Variants in LRRC49 observed in about 807,000 individuals in gnomAD.
LRRC49 encodes leucine-rich repeat-containing protein 49.
In LRRC49, 50 loss-of-function variants were observed where a neutral mutation model predicts 83.3. That is an observed-to-expected ratio of 0.60 (90% CI 0.48 to 0.76). LRRC49 has a LOEUF of 0.76. Ranked by LOEUF, LRRC49 falls within the 30% of genes least tolerant of loss-of-function variation. The pLI is 0.00. For missense variants in LRRC49, 704 were observed against 809.1 expected (o/e 0.87, Z 1.58); for synonymous variants, 286 against 283.3 (o/e 1.01, Z -0.10).
chr15:70,883,159 T>C (rs2033310754), intron 2 of LRRC49, among the ~76,000 whole-genome samples: 1 of 151,158 alleles, frequency 6.6e-6, no homozygotes, highest in Non-Finnish European at 1.5e-5. Flanking sequence ...TACAACTAAT[T>C]TTTTTTTTTC....
intron 1 of LRRC49, chr15:70,893,374 T>G (rs1465307496): frequency 3.4e-6 from 2 of 587,856 alleles, no homozygotes; most frequent in African/African-American, 1.9e-5. Context: ...GCTGCCGACA[T>G]TTTGGAAAAT....
chr15:70,925,071 T>G (rs1480386816), intron 7 of LRRC49, among the ~76,000 whole-genome samples: 2 of 152,064 alleles, frequency 1.3e-5, no homozygotes, highest in African/African-American at 2.4e-5. Flanking sequence ...TTTTCCATAT[T>G]CCAACTCTGA....
intron 7 of LRRC49, among the ~76,000 whole-genome samples, chr15:70,923,680 G>A (rs1237833953): frequency 6.6e-6 from 1 of 151,520 alleles, no homozygotes; most frequent in Non-Finnish European, 1.5e-5. Flanking sequence ...TATAATTTCA[G>A]AAAATGTTGT....
intron 11 of LRRC49, among the ~76,000 whole-genome samples, chr15:71,001,751 G>A (rs544919646): frequency 2.6e-5 from 4 of 152,022 alleles, no homozygotes; most frequent in African/African-American, 9.7e-5. Context: ...GAGTGCAGTG[G>A]CACAATCTCG....
At chr15:70,858,625 A>C (rs1414674784) in intron 1 of LRRC49, 1 of 525,668 alleles carries the variant, frequency 1.9e-6, no homozygotes, top group African/African-American at 1.9e-5. Flanking sequence ...AAACAAAACA[A>C]ACAAAAAAAG....
intron 1 of LRRC49, 28 bp from the exon 2 acceptor site, chr15:70,893,556 A>T (rs752396538): frequency 6.5e-7 from 1 of 1,532,844 alleles, no homozygotes; most frequent in South Asian, 1.2e-5. Flanking sequence ...TTAAGAGCAA[A>T]TTTTATGGTT....
intron 1 of LRRC49, among the ~76,000 whole-genome samples, chr15:70,861,782 G>T (rs1235913441): frequency 1.3e-5 from 2 of 152,122 alleles, no homozygotes; most frequent in Admixed American, 1.3e-4. Context: ...ACCCTTAGCC[G>T]GGCATGGTGG....
chr15:70,880,673 C>T (rs1350116882), intron 2 of LRRC49, among the ~76,000 whole-genome samples: 1 of 151,690 alleles, frequency 6.6e-6, no homozygotes, highest in East Asian at 1.9e-4. Flanking sequence ...TGCAAATCAG[C>T]AAATCAAGTA....
At chr15:71,001,512 C>T (rs929623255) in intron 11 of LRRC49, among the ~76,000 whole-genome samples, 1 of 152,146 alleles carries the variant, frequency 6.6e-6, no homozygotes, top group Non-Finnish European at 1.5e-5. Context: ...TTTTATCCTT[C>T]TTCATCACTT....
At position 71,049,833 on chromosome 15, in the gene LRRC49, C is replaced by G. The variant is rs1158692336; in HGVS notation, c.*221C>G. ...TGCCTGTATGTGAGGACCAAACAAC[C>G]TTTGGGAACTAAACAGTTTTCAGAG... On this transcript the variant is annotated 3_prime_UTR_variant, in exon 16 of 16. Transcript: ENST00000260382. 6.5e-6 allele frequency: 3 copies of G among 462,278 alleles called. No homozygotes were observed. Among genetic ancestry groups the G allele is most frequent in the Non-Finnish European group, 1.1e-5 (3 of 262,890 alleles). 28.6% of individuals were successfully genotyped at this position (462,278 alleles called of 1,614,324 possible). A position where few individuals can be genotyped will look rare whatever the true frequency, so the allele number is the denominator to read the frequency against.
At position 70,900,252 on chromosome 15, in the gene LRRC49, A is replaced by G. The variant is rs916698258; in HGVS notation, c.194-670A>G. 5.6e-5 allele frequency: 18 copies of G among 319,612 alleles called. No individual in the cohort carries two copies. In the East Asian group the frequency reaches 1.3e-3, roughly 24 times the overall value. The allele number at this position is 319,612 out of a possible 1,614,324, so 19.8% of individuals were successfully genotyped here. A position where few individuals can be genotyped will look rare whatever the true frequency, so the allele number is the denominator to read the frequency against. On this transcript the variant is annotated intron_variant, in intron 3 of 15. Coordinates refer to ENST00000260382, the MANE Select transcript of LRRC49 (RefSeq NM_017691.5). ...AAGGACACCATCTAACAAACAGCCT[A>G]TAAACCTTAGAGGGGTGTCATATAC...
chr15:70,961,422 CTT>C (rs2036597499), intron 8 of LRRC49, among the ~76,000 whole-genome samples: 1 of 152,192 alleles, frequency 6.6e-6, no homozygotes, highest in South Asian at 2.1e-4. Flanking sequence ...GAATTGAAAA[CTT>C]ATGCCCACAC....
chr15:70,969,884 T>C (rs2036931232), intron 9 of LRRC49, among the ~76,000 whole-genome samples: 1 of 152,146 alleles, frequency 6.6e-6, no homozygotes, highest in African/African-American at 2.4e-5. Flanking sequence ...GGGGCTGAGA[T>C]GATGGGGTTT....
At chr15:70,919,934 G>A (rs574742867) in intron 7 of LRRC49, among the ~76,000 whole-genome samples, 119 of 152,282 alleles carry the variant, frequency 7.8e-4, no homozygotes, top group African/African-American at 2.7e-3. Context: ...TTATGATTTT[G>A]CTGAAGGTCA....
intron 5 of LRRC49, chr15:70,908,020 G>T (rs975915461): frequency 2.2e-6 from 1 of 455,978 alleles, no homozygotes; most frequent in South Asian, 1.5e-5. Context: ...TCAGGTGTTG[G>T]GGGGTGGAAA....
chr15:70,934,073 A>G (rs1014236346), intron 7 of LRRC49, among the ~76,000 whole-genome samples: 6 of 152,162 alleles, frequency 3.9e-5, no homozygotes, highest in African/African-American at 1.4e-4. Context: ...GCCCTGCTAT[A>G]CAGATTTCAT....
At chr15:71,028,472 G>A (rs1372335678) in intron 14 of LRRC49, among the ~76,000 whole-genome samples, 1 of 152,162 alleles carries the variant, frequency 6.6e-6, no homozygotes, top group Non-Finnish European at 1.5e-5. Flanking sequence ...AATGAGTTAG[G>A]GAGGAGTCCT....
chr15:70,913,244 G>GTC (rs1489277453), intron 6 of LRRC49, among the ~76,000 whole-genome samples: 1 of 152,176 alleles, frequency 6.6e-6, no homozygotes, highest in Non-Finnish European at 1.5e-5. Flanking sequence ...CCTCAGTGTG[G>GTC]TCTCTCTAGG....
At chr15:70,881,252 T>G (rs1232483301) in intron 2 of LRRC49, 1 of 152,102 alleles carries the variant, frequency 6.6e-6, no homozygotes, top group Non-Finnish European at 1.5e-5. Context: ...CAAAAAACAG[T>G]CATCTCAAAT....
Sources: allele counts gnomAD v4.1 joint callset (sites outside exome capture counted in the v4.1 genomes callset), GRCh38; gene constraint gnomAD v4.1.1; transcripts MANE v1.5; gene names NCBI Gene and HGNC (gene_info 2026-07-23, HGNC 2026-07-21).